AIFM2: variants seen among roughly 807,000 people sequenced by gnomAD.
AIFM2 encodes ferroptosis suppressor protein 1.
Under a neutral mutation model 35.7 loss-of-function variants are expected in AIFM2, and 38 were observed. The observed-to-expected ratio is 1.06, with a 90% CI of 0.82 to 1.39. AIFM2 has a LOEUF of 1.39. Ranked by LOEUF, AIFM2 falls within the 40% of genes most tolerant of loss-of-function variation. The pLI is 0.00. For synonymous variants in AIFM2, 185 were observed against 203.5 expected (o/e 0.91, Z 0.77); for missense variants, 476 against 491.2 (o/e 0.97, Z 0.29).
intron 5 of AIFM2, among the ~76,000 whole-genome samples, chr10:70,119,512 G>A (rs987443216): frequency 1.3e-5 from 2 of 152,104 alleles, no homozygotes; most frequent in African/African-American, 4.8e-5. Flanking sequence ...GGTCAGTGGG[G>A]GAAAAACCCA....
intron 7 of AIFM2, among the ~76,000 whole-genome samples, chr10:70,116,055 A>G (rs2072432119): frequency 6.6e-6 from 1 of 152,094 alleles, no homozygotes; most frequent in South Asian, 2.1e-4. Context: ...ATGACAGGGA[A>G]TTGAGGACAC....
chr10:70,114,886 A>T (rs773312641), intron 8 of AIFM2, 34 bp downstream of exon 8: 17 of 1,608,652 alleles, frequency 1.1e-5, no homozygotes, highest in Non-Finnish European at 1.4e-5. Context: ...CCCAAACTCT[A>T]TTAAAACTGC....
chr10:70,118,114 C>G, intron 5 of AIFM2, 194 bp from the exon 6 acceptor site: 1 of 531,182 alleles, frequency 1.9e-6, no homozygotes, highest in South Asian at 2.5e-5. Flanking sequence ...TAGACTAGGA[C>G]TCTTTCAGTA....
Position 70,114,023 on chromosome 10 carries a change from T to C in AIFM2, c.*155A>G. 1 of 956,642 alleles carries C rather than the reference T, an allele frequency of 1.0e-6. No homozygotes were observed. The highest frequency in any genetic ancestry group is 2.7e-5 in the East Asian group (1 of 37,052). 59.3% of individuals were successfully genotyped at this position (956,642 alleles called of 1,614,324 possible). On this transcript the variant is annotated 3_prime_UTR_variant, in exon 9 of 9. Transcript: ENST00000307864. The stretch of plus-strand genomic sequence containing the variant: ...TTGTTTAATACCTCTCTCTCTCCCA[T>C]TTTTGTTTTATACAAGTTGCATTTC...
At chr10:70,118,014 G>T in intron 5 of AIFM2, 94 bp from the exon 6 acceptor site, 2 of 854,920 alleles carry the variant, frequency 2.3e-6, no homozygotes, top group Non-Finnish European at 3.8e-6. Flanking sequence ...ATACCTCCAG[G>T]TTACAGATGA....
At chr10:70,121,280 C>G (rs2072502658) in intron 3 of AIFM2, 69 bp from the exon 4 acceptor site, 1 of 1,440,364 alleles carries the variant, frequency 6.9e-7, no homozygotes, top group African/African-American at 1.5e-5. Flanking sequence ...GCAGGGCAGG[C>G]CTAGGCCTCT....
intron 1 of AIFM2, among the ~76,000 whole-genome samples, chr10:70,124,333 C>T (rs536118802): frequency 3.9e-5 from 6 of 152,322 alleles, no homozygotes; most frequent in Non-Finnish European, 7.4e-5. Flanking sequence ...TCCACTGTTA[C>T]GTAACAAGTT....
At position 70,121,223 on chromosome 10, in the gene AIFM2, C is replaced by CAAAAAAAAA. The variant is rs35599207; in HGVS notation, c.295-21_295-13dup. 8.1e-5 allele frequency: 54 copies of CAAAAAAAAA among 665,138 alleles called. No homozygotes were observed. The highest frequency in any genetic ancestry group is 6.9e-4 in the Middle Eastern group (1 of 1,450). The allele number at this position is 665,138 out of a possible 1,614,324, so 41.2% of individuals were successfully genotyped here. Reference sequence around the variant, plus strand: ...GAGAAGGGCAGGGCCTGAGAGAAACCAAAAAAAAAAAAAAAAAAAAAAAAA... The same window carrying CAAAAAAAAA: ...GAGAAGGGCAGGGCCTGAGAGAAACCAAAAAAAAAAAAAAAAAAAAAAAAAAAAAAAAAA... On this transcript the variant is annotated splice_polypyrimidine_tract_variant and intron_variant, in intron 3 of 8. Transcript: ENST00000307864.
intron 1 of AIFM2, among the ~76,000 whole-genome samples, chr10:70,128,173 C>T (rs1589852629): frequency 6.6e-6 from 1 of 152,304 alleles, no homozygotes; most frequent in Non-Finnish European, 1.5e-5. Flanking sequence ...TGAAAATGCA[C>T]GTATGGAATT....
chr10:70,127,661 T>C (rs1165024586), intron 1 of AIFM2, among the ~76,000 whole-genome samples: 1 of 152,074 alleles, frequency 6.6e-6, no homozygotes, highest in Non-Finnish European at 1.5e-5. Context: ...TCAGGGGCAA[T>C]GAGTTGACCA....
chr10:70,127,842 C>G (rs2072585712), intron 1 of AIFM2, among the ~76,000 whole-genome samples: 1 of 152,238 alleles, frequency 6.6e-6, no homozygotes, highest in Admixed American at 6.5e-5. Context: ...AGGGGAGGCA[C>G]TTTTCCTCTT....
chr10:70,114,765 C>T lies in AIFM2; in HGVS notation c.970+155G>A, dbSNP rs990779709. The T allele has an allele frequency of 2.2e-4, 219 of 977,830 alleles. 1 individual carries two copies. The East Asian group carries it at 4.1e-3, about 18-fold the overall frequency. The allele number at this position is 977,830 out of a possible 1,614,324, so 60.6% of individuals were successfully genotyped here. ...CTGGGGTTACAGGTGTGAGCCACCGCGCCCAGCCTATTTTTAAAGAGCTCT... is the reference window on the plus strand; with the variant it reads ...CTGGGGTTACAGGTGTGAGCCACCGTGCCCAGCCTATTTTTAAAGAGCTCT... On this transcript the variant is annotated intron_variant, in intron 8 of 8. Transcript: ENST00000307864.
At position 70,114,198 on chromosome 10, in the gene AIFM2, T is replaced by C; in HGVS notation, c.1102A>G (p.Met368Val). 2 of 1,613,438 alleles carry C rather than the reference T, an allele frequency of 1.2e-6. No individual in the cohort carries two copies. Among genetic ancestry groups the C allele is most frequent in the East Asian group, 2.2e-5 (1 of 44,840 alleles). The stretch of plus-strand genomic sequence containing the variant: ...CTCCATCAAGGTGGAGACTGCCTCA[T>C]GGTTTTCCAGCTCGTAGAGACGAAC... ...DLFVSTSWKT[M>V]RQSPP The change falls in exon 9 of 9, where the codon ATG (methionine) becomes GTG (valine). Residue 368 changes from methionine to valine, a missense_variant. By Grantham distance (21) the Met-to-Val change is conservative. Transcript: ENST00000307864.
Position 70,114,995 on chromosome 10 carries a change from C to T in AIFM2, c.895G>A (p.Gly299Ser), listed in dbSNP as rs773107252. ...GCCACGGCGATGTTGGCGTGGAGGC[C>T]GGCAAGATAGGCCATCTTGGGCGTC... ...VRTPKMAYLAGLHANIAVANI... is the reference protein window; with the variant it reads ...VRTPKMAYLASLHANIAVANI... Residue 299 changes from glycine to serine, a missense_variant, in exon 8 of 9, where the codon GGC becomes AGC. Coordinates refer to ENST00000307864, the MANE Select transcript of AIFM2 (RefSeq NM_032797.6). 13 of 1,614,054 alleles carry T rather than the reference C, an allele frequency of 8.1e-6. No individual in the cohort carries two copies. Among genetic ancestry groups the T allele is most frequent in the Middle Eastern group, 1.6e-4 (1 of 6,084 alleles).
intron 1 of AIFM2, among the ~76,000 whole-genome samples, chr10:70,130,162 G>A (rs563410466): frequency 1.8e-4 from 27 of 152,192 alleles, no homozygotes; most frequent in Admixed American, 3.9e-4. Context: ...TAGCCTGGGC[G>A]CCAGAGCAAG....
chr10:70,117,168 G>A lies in AIFM2; in HGVS notation c.617-394C>T, dbSNP rs982591202. Among the ~76,000 whole-genome samples, 2 of 152,222 alleles carry A rather than the reference G, an allele frequency of 1.3e-5. No individual in the cohort carries two copies. The highest frequency in any genetic ancestry group is 4.1e-4 in the South Asian group (2 of 4,830). On this transcript the variant is annotated intron_variant, in intron 6 of 8. Transcript: ENST00000307864. The surrounding 1 kb of genome is among the most constrained non-coding windows in gnomAD (Gnocchi z 4.7). ...GGGAAAGCCAGAGAAAGAGAAGCCA[G>A]CTCGCTACACTCACTGCCTAAAGTG...
At chr10:70,121,242 AAAAAAAAAAAG>A in intron 3 of AIFM2, 31 bp from the exon 4 acceptor site, 1 of 1,524,396 alleles carries the variant, frequency 6.6e-7, no homozygotes, top group African/African-American at 1.4e-5. Context: ...AAAAAAAAAA[AAAAAAAAAAAG>A]ATGAGGGTAG....
At position 70,112,503 on chromosome 10, in the gene AIFM2, C is replaced by CAGAT. The variant is rs1198409139; in HGVS notation, c.*1671_*1674dup. The CAGAT allele has an allele frequency of 5.9e-5, 9 of 152,228 alleles. No homozygotes were observed. Among genetic ancestry groups the CAGAT allele is most frequent in the Non-Finnish European group, 1.3e-4 (9 of 68,046 alleles). 9.4% of individuals were successfully genotyped at this position (152,228 alleles called of 1,614,324 possible). A position where few individuals can be genotyped will look rare whatever the true frequency, so the allele number is the denominator to read the frequency against. The stretch of plus-strand genomic sequence containing the variant: ...TCCCTTCGTGGTCCATAAAGAAAGA[C>CAGAT]AGATACTTGGATGCAACCACCAGGG... On this transcript the variant is annotated 3_prime_UTR_variant, in exon 9 of 9. Coordinates refer to ENST00000307864, the MANE Select transcript of AIFM2 (RefSeq NM_032797.6).
rs1021147281 is a variant in AIFM2, at chr10:70,131,682, C to T, written c.-14+1052G>A. Among the ~76,000 whole-genome samples the T allele has an allele frequency of 6.6e-6, 1 of 152,132 alleles. No individual in the cohort carries two copies. The highest frequency in any genetic ancestry group is 1.5e-5 in the Non-Finnish European group (1 of 68,024). On this transcript the variant is annotated intron_variant, in intron 1 of 8. Transcript: ENST00000307864. This position sits in a 1 kb window ranked among gnomAD's most constrained non-coding sequence, Gnocchi z 4.1. The stretch of plus-strand genomic sequence containing the variant: ...GCCACCAGACAAAAGTCAGGCTGGC[C>T]CTGGAGTCCACCGGCCTGCCCAGCC...
Sources: gnomAD v4.1 joint callset for allele counts (sites outside exome capture counted in the v4.1 genomes callset) on GRCh38, gnomAD v4.1.1 for gene constraint, Gnocchi (gnomAD v3.1) non-coding constraint, MANE v1.5 for transcripts, NCBI Gene and HGNC (gene_info 2026-07-23, HGNC 2026-07-21) for gene names.